Variants in LAMA3 observed in about 807,000 individuals in gnomAD.
The protein encoded by LAMA3 is laminin subunit alpha-3.
In LAMA3, 281 loss-of-function variants were observed where a neutral mutation model predicts 402.0. That is an observed-to-expected ratio of 0.70 (90% CI 0.63 to 0.77). LAMA3 has a LOEUF of 0.77. Ranked by LOEUF, LAMA3 falls within the 30% of genes least tolerant of loss-of-function variation. The probability of loss-of-function intolerance (pLI) is 0.00; values close to 1 mark genes in which losing one functional copy is unlikely to be tolerated. For missense variants in LAMA3, 3,840 were observed against 4,215.5 expected, an observed-to-expected ratio of 0.91 and a Z score of 2.47; for synonymous variants, 1,431 against 1,558.4, an observed-to-expected ratio of 0.92 and a Z score of 1.93.
At chr18:23,741,049 G>A (rs1167834021) in intron 2 of LAMA3, among the ~76,000 whole-genome samples, 2 of 152,042 alleles carry the variant, frequency 1.3e-5, no homozygotes, top group African/African-American at 2.4e-5. Flanking sequence ...CACCTCCCAG[G>A]TTCACGCCAT....
At chr18:23,798,115 A>AT (rs1000701779) in intron 12 of LAMA3, among the ~76,000 whole-genome samples, 1 of 150,468 alleles carries the variant, frequency 6.6e-6, no homozygotes, top group South Asian at 2.1e-4. Context: ...GCTATTCTTC[A>AT]TTTTTTTCTT....
At chr18:23,777,991 G>A (rs1217100508) in intron 11 of LAMA3, among the ~76,000 whole-genome samples, 1 of 152,220 alleles carries the variant, frequency 6.6e-6, no homozygotes, top group Non-Finnish European at 1.5e-5. Context: ...AGAGAGTCAG[G>A]GAGTGAAGGG....
intron 12 of LAMA3, among the ~76,000 whole-genome samples, chr18:23,805,663 C>G (rs1266563432): frequency 6.6e-6 from 1 of 152,186 alleles, no homozygotes; most frequent in Admixed American, 6.5e-5. Context: ...TAAACCCATA[C>G]TCTGACTAGA....
In LAMA3 at chr18:23,789,514, AC is replaced by A. The variant is rs2062610595; in HGVS notation, c.1603+5359del. On this transcript the variant is annotated intron_variant, in intron 12 of 74. Transcript: ENST00000313654. ...AAGGAACGAAGTACTTATGCATGCT[AC>A]CACATGAATAAACCTTGAAAACATT... Among the ~76,000 whole-genome samples, 3 of 152,350 alleles carry A rather than the reference AC, an allele frequency of 2.0e-5. No homozygotes were observed. In the South Asian group the frequency reaches 6.2e-4, roughly 32 times the overall value.
At chr18:23,914,960 T>G in intron 58 of LAMA3, 100 bp downstream of exon 58, 1 of 1,005,616 alleles carries the variant, frequency 9.9e-7, no homozygotes, top group Admixed American at 2.0e-5. Flanking sequence ...TAAAATGGAT[T>G]TAACCGCACA....
rs1430997269 is a variant in LAMA3, at chr18:23,954,525, C to T, written c.9879C>T (p.Ile3293=). 1 of 1,613,970 alleles carries T rather than the reference C, an allele frequency of 6.2e-7. No individual in the cohort carries two copies. The highest frequency in any genetic ancestry group is 8.5e-7 in the Non-Finnish European group (1 of 1,179,938). The part of the protein sequence containing the change: ...GAPANLTTLR[I]PVWKSFFGCL... ...CAGCCAATTTGACGACACTGAGGAT[C>T]CCTGTGTGGAAATCATTCTTTGGCT... is the stretch of plus-strand genomic sequence containing the variant. The change falls in exon 75 of 75, where the codon ATC becomes ATT. Residue 3293 remains isoleucine, a synonymous_variant. Coordinates refer to ENST00000313654, the MANE Select transcript of LAMA3 (RefSeq NM_198129.4).
At chr18:23,933,738 A>T in intron 66 of LAMA3, 44 bp from the exon 67 acceptor site, 1 of 1,609,006 alleles carries the variant, frequency 6.2e-7, no homozygotes, top group Non-Finnish European at 8.5e-7. Flanking sequence ...CTTCCTCGAC[A>T]TGTCCAAGTT....
intron 7 of LAMA3, among the ~76,000 whole-genome samples, chr18:23,761,696 GA>G (rs1028024922): frequency 6.6e-6 from 1 of 152,058 alleles, no homozygotes; most frequent in Non-Finnish European, 1.5e-5. Context: ...TTGGCATTTG[GA>G]TGTATTTTTT....
chr18:23,758,058 G>A, intron 6 of LAMA3, among the ~76,000 whole-genome samples: 1 of 152,330 alleles, frequency 6.6e-6, no homozygotes, highest in African/African-American at 2.4e-5. Context: ...GAGTGCTCCT[G>A]TGTTCCTTTA....
chr18:23,844,929 G>T, intron 29 of LAMA3, 80 bp from the exon 30 acceptor site: 1 of 836,114 alleles, frequency 1.2e-6, no homozygotes, highest in East Asian at 2.5e-5. Context: ...TCGAGTAGGG[G>T]TGCTCAACCT....
At chr18:23,717,610 T>C (rs1310474823) in intron 2 of LAMA3, among the ~76,000 whole-genome samples, 2 of 132,248 alleles carry the variant, frequency 1.5e-5, no homozygotes, top group African/African-American at 5.6e-5. Flanking sequence ...TGGAGTGCAG[T>C]GGCGTGATAT....
intron 73 of LAMA3, among the ~76,000 whole-genome samples, chr18:23,952,753 A>G (rs866925082): frequency 1.3e-5 from 2 of 152,228 alleles, no homozygotes; most frequent in African/African-American, 4.8e-5. Flanking sequence ...TATCTGGGAA[A>G]TGGGGAATGA....
At chr18:23,867,789 G>A (rs781340330) in intron 36 of LAMA3, 45 bp from the exon 37 acceptor site, 1 of 1,406,038 alleles carries the variant, frequency 7.1e-7, no homozygotes, top group East Asian at 2.3e-5. Flanking sequence ...AATCTTGAAA[G>A]ATCCCAGTGA....
intron 15 of LAMA3, 86 bp from the exon 16 acceptor site, chr18:23,815,102 T>G: frequency 4.3e-6 from 5 of 1,171,488 alleles, no homozygotes; most frequent in East Asian, 2.4e-5. Context: ...ACTGCACACG[T>G]TGTGTTGCAG....
At chr18:23,850,135 A>T (rs1056186542) in intron 32 of LAMA3, among the ~76,000 whole-genome samples, 9 of 152,248 alleles carry the variant, frequency 5.9e-5, no homozygotes, top group Non-Finnish European at 1.2e-4. Flanking sequence ...CCTAGAGTTT[A>T]TGAGAAAAAG....
At position 23,879,855 on chromosome 18, in the gene LAMA3, C is replaced by T. The variant is rs185370752; in HGVS notation, c.5113-2081C>T. Among the ~76,000 whole-genome samples, 29 of 152,330 alleles carry T rather than the reference C, an allele frequency of 1.9e-4. 1 individual carries two copies. The highest frequency in any genetic ancestry group is 5.5e-4 in the African/African-American group (23 of 41,568). Reference sequence around the variant, plus strand: ...CCTCTCCTCTCACCCCTGTGAAGGACCAGTACTCAGAGTGATTTTAGTAGG... The same window carrying T: ...CCTCTCCTCTCACCCCTGTGAAGGATCAGTACTCAGAGTGATTTTAGTAGG... On this transcript the variant is annotated intron_variant, in intron 39 of 74. Transcript: ENST00000313654. The surrounding 1 kb of genome is among the most constrained non-coding windows in gnomAD (Gnocchi z 4.2).
rs550366376 is a variant in LAMA3 at position 23,789,271 on chromosome 18, A to G, written c.1603+5114A>G. 4.9e-4 allele frequency among the ~76,000 whole-genome samples: 74 copies of G among 152,298 alleles called. No individual in the cohort carries two copies. In the South Asian group the frequency reaches 7.7e-3, roughly 16 times the overall value. On this transcript the variant is annotated intron_variant, in intron 12 of 74. Transcript: ENST00000313654. ...TTTGGAAATAGTTTTGCTATTCCTG[A>G]AAAAGTTAAACATAAAGTTACCATG...
intron 12 of LAMA3, among the ~76,000 whole-genome samples, chr18:23,807,457 AGT>A (rs35332291): frequency 0.035 from 5,196 of 148,812 alleles, 278 homozygotes; most frequent in African/African-American, 0.12. Context: ...ATATTGTGTG[AGT>A]GTGTGTGTGT....
At position 23,898,937 on chromosome 18, in the gene LAMA3, AT is replaced by A; in HGVS notation, c.5725-14del. 6.2e-7 allele frequency: 1 copy of A among 1,607,060 alleles called. No homozygotes were observed. Among genetic ancestry groups the A allele is most frequent in the South Asian group, 1.1e-5 (1 of 90,876 alleles). ...TATTGACTTAATTTGCTGCTAATCA[AT>A]TTATTTTTCATATAGGCTCAAGTAA... On this transcript the variant is annotated splice_polypyrimidine_tract_variant and intron_variant, in intron 45 of 74. Coordinates refer to ENST00000313654, the MANE Select transcript of LAMA3 (RefSeq NM_198129.4).
Sources: allele counts gnomAD v4.1 joint callset (sites outside exome capture counted in the v4.1 genomes callset), GRCh38; gene constraint gnomAD v4.1.1; non-coding constraint Gnocchi (gnomAD v3.1); transcripts MANE v1.5; gene names NCBI Gene and HGNC (gene_info 2026-07-23, HGNC 2026-07-21).